The following KCTD8 variants were observed in gnomAD, a reference collection of about 807,000 sequenced individuals.
The protein encoded by KCTD8 is BTB/POZ domain-containing protein KCTD8.
In KCTD8, 27 loss-of-function variants were observed where a neutral mutation model predicts 31.5. That is an observed-to-expected ratio of 0.86 (90% CI 0.63 to 1.18). KCTD8 has a LOEUF of 1.18. Among genes scored for constraint, KCTD8 ranks in the 50% most tolerant of loss-of-function variants. The pLI, the probability that KCTD8 is intolerant of heterozygous loss-of-function variation, is 0.00. For missense variants in KCTD8, 658 were observed against 647.7 expected, an observed-to-expected ratio of 1.02 and a Z score of -0.17; for synonymous variants, 290 against 280.0, an observed-to-expected ratio of 1.04 and a Z score of -0.36.
rs556568197 is a variant in KCTD8 at position 44,421,203 on chromosome 4, C to T, written c.961+26360G>A. On this transcript the variant is annotated intron_variant, in intron 1 of 1. Coordinates refer to ENST00000360029, the MANE Select transcript of KCTD8 (RefSeq NM_198353.3). ...GCCTCAATATATCTACTACTGTACT[C>T]TGTACTATAAAACATATAAAAACAT... Among the ~76,000 whole-genome samples, 8 of 152,160 alleles carry T rather than the reference C, an allele frequency of 5.3e-5. No homozygotes were observed. In the East Asian group the frequency reaches 5.8e-4, roughly 11 times the overall value.
chr4:44,436,522 A>C (rs1467044329), intron 1 of KCTD8, among the ~76,000 whole-genome samples: 1 of 152,112 alleles, frequency 6.6e-6, no homozygotes, highest in Non-Finnish European at 1.5e-5. Flanking sequence ...TATGATTATG[A>C]ATGATGTATC....
Position 44,447,548 on chromosome 4 carries a change from G to T in KCTD8, c.961+15C>A, listed in dbSNP as rs774377016. On this transcript the variant is annotated intron_variant, in intron 1 of 1. Transcript: ENST00000360029. The stretch of plus-strand genomic sequence containing the variant: ...GGGCGAGGGGTGCTGGGAAACGCCG[G>T]GGCTGCGAACTTACGGAAGAAAATG... 6.5e-7 allele frequency: 1 copy of T among 1,532,818 alleles called. No individual in the cohort carries two copies. Among genetic ancestry groups the T allele is most frequent in the East Asian group, 2.4e-5 (1 of 42,416 alleles). 95.0% of individuals were successfully genotyped at this position (1,532,818 alleles called of 1,614,324 possible). A position where few individuals can be genotyped will look rare whatever the true frequency, so the allele number is the denominator to read the frequency against.
At position 44,322,414 on chromosome 4, in the gene KCTD8, C is replaced by T. The variant is rs183253640; in HGVS notation, c.961+125149G>A. Among the ~76,000 whole-genome samples the T allele has an allele frequency of 2.6e-5, 4 of 152,006 alleles. No individual in the cohort carries two copies. In the East Asian group the frequency reaches 7.7e-4, roughly 29 times the overall value. On this transcript the variant is annotated intron_variant, in intron 1 of 1. Coordinates refer to ENST00000360029, the MANE Select transcript of KCTD8 (RefSeq NM_198353.3). ...TGTCTTCTTTTGAGAAATGTCTATT[C>T]AGGTCTTGCCCATTCTTTAATTGGA...
chr4:44,400,849 AT>A (rs1353080519), intron 1 of KCTD8, among the ~76,000 whole-genome samples: 27 of 148,442 alleles, frequency 1.8e-4, no homozygotes, highest in African/African-American at 2.5e-4. Context: ...TTAAAGTAAT[AT>A]TTTTTTTTTA....
intron 1 of KCTD8, among the ~76,000 whole-genome samples, chr4:44,198,932 T>C (rs1263921743): frequency 6.6e-6 from 1 of 151,974 alleles, no homozygotes; most frequent in Non-Finnish European, 1.5e-5. Context: ...TAATGACGAC[T>C]CTAAGTAAAG....
At chr4:44,235,603 A>G (rs1288371956) in intron 1 of KCTD8, among the ~76,000 whole-genome samples, 1 of 134,770 alleles carries the variant, frequency 7.4e-6, no homozygotes, top group Non-Finnish European at 1.6e-5. Context: ...AGAGAGAGAG[A>G]GTATGAGTAA....
chr4:44,243,020 G>A (rs375753039), intron 1 of KCTD8, among the ~76,000 whole-genome samples: 47 of 152,222 alleles, frequency 3.1e-4, no homozygotes, highest in East Asian at 9.7e-4. Flanking sequence ...TTATAGCAGC[G>A]TAAGAATCAC....
At chr4:44,329,874 T>C (rs1270753390) in intron 1 of KCTD8, among the ~76,000 whole-genome samples, 1 of 151,980 alleles carries the variant, frequency 6.6e-6, no homozygotes, top group Non-Finnish European at 1.5e-5. Flanking sequence ...CCCTAGATTT[T>C]AGCTATAGTA....
chr4:44,431,075 A>G (rs1721491769), intron 1 of KCTD8, among the ~76,000 whole-genome samples: 1 of 151,764 alleles, frequency 6.6e-6, no homozygotes, highest in East Asian at 1.9e-4. Flanking sequence ...AACTTACAAT[A>G]GCAATAAAAA....
chr4:44,271,549 A>G (rs1028232754), intron 1 of KCTD8, among the ~76,000 whole-genome samples: 18 of 152,074 alleles, frequency 1.2e-4, no homozygotes, highest in African/African-American at 3.9e-4. Flanking sequence ...GCATTGTGAC[A>G]TGTTTGTGAT....
chr4:44,372,003 T>C (rs1393278911), intron 1 of KCTD8, among the ~76,000 whole-genome samples: 2 of 152,212 alleles, frequency 1.3e-5, no homozygotes, highest in Non-Finnish European at 2.9e-5. Flanking sequence ...ATATTGTCTA[T>C]GAAATGGTAA....
chr4:44,425,513 G>A (rs1721324179), intron 1 of KCTD8, among the ~76,000 whole-genome samples: 1 of 151,962 alleles, frequency 6.6e-6, no homozygotes, highest in African/African-American at 2.4e-5. Flanking sequence ...AGTTCCAAGA[G>A]GCAGATGTTT....
At chr4:44,435,229 A>T (rs2109480464) in intron 1 of KCTD8, among the ~76,000 whole-genome samples, 1 of 152,076 alleles carries the variant, frequency 6.6e-6, no homozygotes, top group East Asian at 1.9e-4. Context: ...TTTTATGCTC[A>T]CATCATTCCT....
rs567583364 is a variant in KCTD8, at chr4:44,295,753, C to G, written c.962-120503G>C. 3.3e-5 allele frequency among the ~76,000 whole-genome samples: 5 copies of G among 152,226 alleles called. No individual in the cohort carries two copies. The South Asian group carries it at 1.0e-3, about 32-fold the overall frequency. ...ATAGTTGCATAAATCCATTCATGAA[C>G]AAAACACCTCCCAGAGGCTCCATCT... On this transcript the variant is annotated intron_variant, in intron 1 of 1. Coordinates refer to ENST00000360029, the MANE Select transcript of KCTD8 (RefSeq NM_198353.3).
At chr4:44,250,933 T>C (rs1715813409) in intron 1 of KCTD8, among the ~76,000 whole-genome samples, 1 of 151,800 alleles carries the variant, frequency 6.6e-6, no homozygotes, top group Non-Finnish European at 1.5e-5. Flanking sequence ...AAATGTAACA[T>C]TCTTCATTCT....
At chr4:44,417,980 G>A (rs1335533304) in intron 1 of KCTD8, among the ~76,000 whole-genome samples, 2 of 152,172 alleles carry the variant, frequency 1.3e-5, no homozygotes, top group Non-Finnish European at 1.5e-5. Context: ...GGGTTAGAAA[G>A]ATGAGTAAGA....
intron 1 of KCTD8, among the ~76,000 whole-genome samples, chr4:44,253,469 G>C (rs62304817): frequency 1.3e-5 from 2 of 151,710 alleles, no homozygotes; most frequent in African/African-American, 4.8e-5. Flanking sequence ...TTATATCTGG[G>C]CTGGTTTTGC....
chr4:44,182,170 GGGGGGCGCCTCC>G (rs1381529743), intron 1 of KCTD8, among the ~76,000 whole-genome samples: 2 of 151,424 alleles, frequency 1.3e-5, no homozygotes, highest in Non-Finnish European at 2.9e-5. Flanking sequence ...GAGGGAGGTG[GGGGGGCGCCTCC>G]GCCTGGCCGG....
chr4:44,374,938 A>G (rs538035797), intron 1 of KCTD8, among the ~76,000 whole-genome samples: 1 of 152,342 alleles, frequency 6.6e-6, no homozygotes, highest in Admixed American at 6.5e-5. Flanking sequence ...TGCTGTCAGA[A>G]AATGATGCTA....
Sources: gnomAD v4.1 joint callset for allele counts (sites outside exome capture counted in the v4.1 genomes callset) on GRCh38, gnomAD v4.1.1 for gene constraint, MANE v1.5 for transcripts, NCBI Gene and HGNC (gene_info 2026-07-23, HGNC 2026-07-21) for gene names.